The following AOAH variants were observed in gnomAD, a reference collection of about 807,000 sequenced individuals.
AOAH encodes the protein acyloxyacyl hydrolase (neutrophil).
Under a neutral mutation model 92.2 loss-of-function variants are expected in AOAH, and 64 were observed. The observed-to-expected ratio is 0.69, with a 90% CI of 0.57 to 0.86. The LOEUF (loss-of-function observed/expected upper bound fraction) is 0.86. AOAH is among the 40% of genes least tolerant of loss of function. The probability of loss-of-function intolerance (pLI) is 0.00; values close to 1 mark genes in which losing one functional copy is unlikely to be tolerated. For synonymous variants in AOAH, 263 were observed against 254.5 expected (o/e 1.03, Z -0.32); for missense variants, 656 against 694.6 (o/e 0.94, Z 0.62).
At chr7:36,586,818 T>C (rs1017036775) in intron 12 of AOAH, among the ~76,000 whole-genome samples, 7 of 152,186 alleles carry the variant, frequency 4.6e-5, no homozygotes, top group Admixed American at 4.6e-4. Flanking sequence ...ACTTGTCACT[T>C]TTTTTCTAAA....
At chr7:36,588,387 G>C (rs1454667039) in intron 12 of AOAH, among the ~76,000 whole-genome samples, 1 of 152,226 alleles carries the variant, frequency 6.6e-6, no homozygotes, top group Non-Finnish European at 1.5e-5. Flanking sequence ...ACCACACTTG[G>C]AGAACTGCTG....
chr7:36,532,476 A>G, intron 16 of AOAH, 132 bp from the exon 17 acceptor site: 1 of 825,530 alleles, frequency 1.2e-6, no homozygotes, highest in Non-Finnish European at 2.0e-6. Context: ...TTCATGCAGC[A>G]TTGCTCTTGA....
chr7:36,540,549 G>T, intron 15 of AOAH, 58 bp from the exon 16 acceptor site: 1 of 1,440,442 alleles, frequency 6.9e-7, no homozygotes, highest in Middle Eastern at 1.8e-4. Flanking sequence ...ATGCATGCAA[G>T]TTGCACGCAA....
At chr7:36,629,721 T>C (rs1275916555) in intron 6 of AOAH, among the ~76,000 whole-genome samples, 3 of 152,178 alleles carry the variant, frequency 2.0e-5, no homozygotes, top group Non-Finnish European at 2.9e-5. Context: ...TGGGTCTGAA[T>C]CATAGCCTCC....
intron 11 of AOAH, among the ~76,000 whole-genome samples, chr7:36,605,430 G>T (rs1790925776): frequency 6.6e-6 from 1 of 152,172 alleles, no homozygotes; most frequent in Non-Finnish European, 1.5e-5. Context: ...TGAAGCAGGT[G>T]ACAGACATAA....
In AOAH at chr7:36,513,232, G is replaced by C; in HGVS notation, c.*20C>G. 6.2e-7 allele frequency: 1 copy of C among 1,614,098 alleles called. No individual in the cohort carries two copies. Among genetic ancestry groups the C allele is most frequent in the Non-Finnish European group, 8.5e-7 (1 of 1,180,008 alleles). On this transcript the variant is annotated 3_prime_UTR_variant, in exon 21 of 21. Transcript: ENST00000617537. ...CCTCTGCCTCCCTGTGCTCCCCAGG[G>C]GTGCATGCTCCTGAGAGGCTCAGTG...
chr7:36,536,593 G>C (rs528403003), intron 16 of AOAH, among the ~76,000 whole-genome samples: 58 of 152,220 alleles, frequency 3.8e-4, no homozygotes, highest in African/African-American at 1.3e-3. Flanking sequence ...GACAGCATGA[G>C]AGCAATAAAT....
At chr7:36,649,753 C>T (rs940069410) in intron 4 of AOAH, among the ~76,000 whole-genome samples, 25 of 152,286 alleles carry the variant, frequency 1.6e-4, no homozygotes, top group Non-Finnish European at 3.4e-4. Flanking sequence ...TGAGCTTTCA[C>T]TTGCTGTCCA....
intron 19 of AOAH, among the ~76,000 whole-genome samples, chr7:36,526,849 G>T (rs1027513429): frequency 2.6e-5 from 4 of 152,178 alleles, no homozygotes; most frequent in Non-Finnish European, 5.9e-5. Flanking sequence ...TAAAGAAAAG[G>T]CTGCTTTCTG....
intron 1 of AOAH, among the ~76,000 whole-genome samples, chr7:36,709,151 G>A (rs972575114): frequency 1.6e-4 from 25 of 152,052 alleles, no homozygotes; most frequent in African/African-American, 4.1e-4. Context: ...GCTGATCACC[G>A]TTGCTTCATC....
chr7:36,704,118 T>C (rs1262044018), intron 1 of AOAH, among the ~76,000 whole-genome samples: 1 of 152,228 alleles, frequency 6.6e-6, no homozygotes, highest in Non-Finnish European at 1.5e-5. Context: ...ATGAGGTTTT[T>C]TTTTCATGTT....
At chr7:36,602,190 G>A (rs976932687) in intron 11 of AOAH, among the ~76,000 whole-genome samples, 1 of 152,056 alleles carries the variant, frequency 6.6e-6, no homozygotes, top group Non-Finnish European at 1.5e-5. Flanking sequence ...ATACAAAGAG[G>A]ACAAAATGGC....
chr7:36,534,384 G>T (rs926521442), intron 16 of AOAH, among the ~76,000 whole-genome samples: 1 of 152,218 alleles, frequency 6.6e-6, no homozygotes, highest in Non-Finnish European at 1.5e-5. Context: ...AGTGTGGGTG[G>T]CTAGGTCTGC....
chr7:36,636,756 T>A (rs2116302300), intron 5 of AOAH, among the ~76,000 whole-genome samples: 1 of 152,348 alleles, frequency 6.6e-6, no homozygotes, highest in East Asian at 1.9e-4. Context: ...CCAGATAAAA[T>A]ATTACACTAG....
At chr7:36,616,877 T>TTGA (rs139379576) in intron 10 of AOAH, among the ~76,000 whole-genome samples, 52 of 152,350 alleles carry the variant, frequency 3.4e-4, no homozygotes, top group African/African-American at 1.2e-3. Context: ...TGGAGCAATT[T>TTGA]TGATTTTTCA....
chr7:36,630,247 G>GTGTT (rs1209932159), intron 6 of AOAH, among the ~76,000 whole-genome samples: 1 of 152,190 alleles, frequency 6.6e-6, no homozygotes, highest in African/African-American at 2.4e-5. Flanking sequence ...CCAGTTTGTG[G>GTGTT]TGTTTTGTAA....
chr7:36,621,604 C>T, intron 8 of AOAH, 106 bp downstream of exon 8: 3 of 1,052,106 alleles, frequency 2.9e-6, no homozygotes, highest in Non-Finnish European at 4.4e-6. Context: ...ATGAAAATCT[C>T]TTCTCTCTGT....
intron 1 of AOAH, among the ~76,000 whole-genome samples, chr7:36,694,235 G>A (rs1051675112): frequency 2.2e-4 from 34 of 152,144 alleles, no homozygotes; most frequent in Admixed American, 7.2e-4. Context: ...GGTGGCTCAC[G>A]ACTGTAATCC....
At chr7:36,694,726 T>C (rs1171206441) in intron 1 of AOAH, among the ~76,000 whole-genome samples, 1 of 152,178 alleles carries the variant, frequency 6.6e-6, no homozygotes, top group East Asian at 1.9e-4. Context: ...AATCAATCGA[T>C]TTTTTCTTTC....
Sources: allele counts gnomAD v4.1 joint callset (sites outside exome capture counted in the v4.1 genomes callset), GRCh38; gene constraint gnomAD v4.1.1; transcripts MANE v1.5; gene names NCBI Gene and HGNC (gene_info 2026-07-23, HGNC 2026-07-21).